The following MARCHF8 variants were observed in gnomAD, a reference collection of about 807,000 sequenced individuals.
MARCHF8 encodes membrane associated ring-CH-type finger 8, also known as E3 ubiquitin-protein ligase MARCHF8.
A neutral mutation model predicts 51.6 loss-of-function variants in MARCHF8; 40 were observed. The observed-to-expected ratio is 0.77, with a 90% CI of 0.60 to 1.01. The LOEUF (loss-of-function observed/expected upper bound fraction) is 1.01. Among genes scored for constraint, MARCHF8 ranks in the 50% least tolerant of loss-of-function variants. The pLI, the probability that MARCHF8 is intolerant of heterozygous loss-of-function variation, is 0.00. For missense variants in MARCHF8, 685 were observed against 708.6 expected (o/e 0.97, Z 0.38); for synonymous variants, 263 against 280.3 (o/e 0.94, Z 0.62).
At chr10:45,475,892 C>T (rs2042778605) in intron 3 of MARCHF8, among the ~76,000 whole-genome samples, 1 of 152,146 alleles carries the variant, frequency 6.6e-6, no homozygotes, top group Non-Finnish European at 1.5e-5. Context: ...GTATCCCTGT[C>T]CCCAGCAAAA....
intron 3 of MARCHF8, among the ~76,000 whole-genome samples, chr10:45,477,362 G>C (rs2310783): frequency 0.17 from 26,107 of 152,116 alleles, 2,345 homozygotes; most frequent in Middle Eastern, 0.2. Flanking sequence ...GGAAGCACAA[G>C]GACAGTATTT....
chr10:45,568,807 A>G (rs12779204), intron 1 of MARCHF8, among the ~76,000 whole-genome samples: 9,320 of 151,354 alleles, frequency 0.062, 335 homozygotes, highest in Non-Finnish European at 0.067. Flanking sequence ...GCTGGCTTAC[A>G]CCTGTAATCC....
At chr10:45,466,308 CTTCTT>C (rs1184771898) in intron 3 of MARCHF8, among the ~76,000 whole-genome samples, 3 of 152,180 alleles carry the variant, frequency 2.0e-5, no homozygotes, top group Admixed American at 6.5e-5. Context: ...TTATTGCTCT[CTTCTT>C]TTATTTCTGA....
intron 2 of MARCHF8, among the ~76,000 whole-genome samples, chr10:45,529,757 T>C (rs1160277286): frequency 6.6e-6 from 1 of 152,216 alleles, no homozygotes; most frequent in Non-Finnish European, 1.5e-5. Flanking sequence ...CCAGTCAGAA[T>C]GGCTATTACT....
intron 3 of MARCHF8, among the ~76,000 whole-genome samples, chr10:45,474,547 G>GCTTTT (rs1424993589): frequency 1.6e-4 from 24 of 151,964 alleles, no homozygotes; most frequent in African/African-American, 5.5e-4. Context: ...GTGATATAAT[G>GCTTTT]AAGAACATGC....
intron 1 of MARCHF8, among the ~76,000 whole-genome samples, chr10:45,581,710 T>C (rs61854124): frequency 0.11 from 17,107 of 152,196 alleles, 1,307 homozygotes; most frequent in Non-Finnish European, 0.16. Context: ...TTAATTTAGC[T>C]GTGTATCTCA....
chr10:45,540,016 G>A (rs2044028069), upstream of MARCHF8, among the ~76,000 whole-genome samples: 1 of 152,202 alleles, frequency 6.6e-6, no homozygotes, highest in Non-Finnish European at 1.5e-5. Flanking sequence ...TCTTCAAGGA[G>A]AACTACAAAC....
chr10:45,527,616 TA>T (rs903125917), intron 2 of MARCHF8, among the ~76,000 whole-genome samples: 1 of 150,688 alleles, frequency 6.6e-6, no homozygotes, highest in Non-Finnish European at 1.5e-5. Flanking sequence ...GTAATAAAAA[TA>T]AAAAAAAATC....
intron 2 of MARCHF8, among the ~76,000 whole-genome samples, chr10:45,514,572 A>G (rs2043588381): frequency 6.6e-6 from 1 of 152,254 alleles, no homozygotes; most frequent in African/African-American, 2.4e-5. Context: ...CTGATTTTCA[A>G]GGAACGAGGC....
chr10:45,494,470 C>T (rs1383239642), intron 2 of MARCHF8, among the ~76,000 whole-genome samples: 1 of 152,170 alleles, frequency 6.6e-6, no homozygotes, highest in Admixed American at 6.5e-5. Flanking sequence ...CAATGAACAC[C>T]GCTAACTACA....
In MARCHF8 at chr10:45,457,213, T is replaced by A. The variant is rs1230762428; in HGVS notation, c.*1026A>T. On this transcript the variant is annotated 3_prime_UTR_variant, in exon 8 of 8. Transcript: ENST00000453424. ...AACACCAACTGGAGAGATTTAACTA[T>A]AAAGGAATATTTTTTAAATATTCAG... 6.6e-6 allele frequency: 1 copy of A among 151,828 alleles called. No homozygotes were observed. The highest frequency in any genetic ancestry group is 6.6e-5 in the Admixed American group (1 of 15,256). 9.4% of individuals were successfully genotyped at this position (151,828 alleles called of 1,614,324 possible). A position where few individuals can be genotyped will look rare whatever the true frequency, so the allele number is the denominator to read the frequency against.
Position 45,475,405 on chromosome 10 carries a change from C to CG in MARCHF8, c.154-11079dup, listed in dbSNP as rs35950522. 3.0e-4 allele frequency among the ~76,000 whole-genome samples: 45 copies of CG among 151,828 alleles called. No homozygotes were observed. The South Asian group carries it at 5.0e-3, about 17-fold the overall frequency. On this transcript the variant is annotated intron_variant, in intron 3 of 7. Coordinates refer to ENST00000453424, the MANE Select transcript of MARCHF8 (RefSeq NM_001282866.2). The stretch of plus-strand genomic sequence containing the variant: ...GACTGTTAGAGCCTGAATGCATCCC[C>CG]GGGGGGGGCTGAAGTATGTCCTACC...
chr10:45,491,844 T>G (rs1300011720), intron 2 of MARCHF8, among the ~76,000 whole-genome samples: 1 of 152,192 alleles, frequency 6.6e-6, no homozygotes, highest in African/African-American at 2.4e-5. Context: ...CATTACTTAC[T>G]ACCTCACAAG....
intron 2 of MARCHF8, among the ~76,000 whole-genome samples, chr10:45,529,933 T>C (rs573622743): frequency 1.3e-5 from 2 of 152,302 alleles, no homozygotes; most frequent in Non-Finnish European, 2.9e-5. Context: ...ATCCCACTAC[T>C]GGGGATCTAC....
chr10:45,472,778 C>T (rs1275091785), intron 3 of MARCHF8, among the ~76,000 whole-genome samples: 1 of 152,122 alleles, frequency 6.6e-6, no homozygotes, highest in Non-Finnish European at 1.5e-5. Context: ...CAAAGACAGT[C>T]GGTTAAACTT....
intron 1 of MARCHF8, among the ~76,000 whole-genome samples, chr10:45,568,864 C>G (rs945800354): frequency 6.6e-6 from 1 of 151,536 alleles, no homozygotes; most frequent in Admixed American, 6.6e-5. Context: ...GTCAGGAGAT[C>G]GAGACCATCT....
intron 2 of MARCHF8, among the ~76,000 whole-genome samples, chr10:45,502,492 C>G (rs963244580): frequency 3.3e-5 from 5 of 152,014 alleles, no homozygotes; most frequent in African/African-American, 1.2e-4. Context: ...AAACCTATGC[C>G]CAGGCATACC....
At chr10:45,592,578 G>A (rs866211434) in intron 1 of MARCHF8, among the ~76,000 whole-genome samples, 1 of 152,088 alleles carries the variant, frequency 6.6e-6, no homozygotes, top group Non-Finnish European at 1.5e-5. Flanking sequence ...ACCACCAGAA[G>A]TATAAACCTA....
At chr10:45,508,888 T>C (rs377654009) in intron 2 of MARCHF8, among the ~76,000 whole-genome samples, 1 of 152,230 alleles carries the variant, frequency 6.6e-6, no homozygotes, top group Non-Finnish European at 1.5e-5. Context: ...CAGATTTCCT[T>C]GTCAGTTATA....
Sources: allele counts gnomAD v4.1 joint callset (sites outside exome capture counted in the v4.1 genomes callset), GRCh38; gene constraint gnomAD v4.1.1; transcripts MANE v1.5; gene names NCBI Gene and HGNC (gene_info 2026-07-23, HGNC 2026-07-21).